The following PDE8A variants were observed in gnomAD, a reference collection of about 807,000 sequenced individuals.
PDE8A encodes the protein high affinity cAMP-specific and IBMX-insensitive 3',5'-cyclic phosphodiesterase 8A.
In PDE8A, 59 loss-of-function variants were observed where a neutral mutation model predicts 105.0. The observed-to-expected ratio is 0.56, with a 90% CI of 0.46 to 0.70. PDE8A has a LOEUF of 0.70. PDE8A is among the 30% of genes least tolerant of loss of function. PDE8A has a pLI of 0.00. For missense variants in PDE8A, 1,014 were observed against 1,045.9 expected (o/e 0.97, Z 0.42); for synonymous variants, 355 against 371.9 (o/e 0.95, Z 0.52).
chr15:85,089,845 T>G (rs2081613374), intron 7 of PDE8A, among the ~76,000 whole-genome samples: 1 of 152,202 alleles, frequency 6.6e-6, no homozygotes, highest in Non-Finnish European at 1.5e-5. Flanking sequence ...TAGAAACAAC[T>G]AAAAGTTTCA....
At chr15:84,999,691 C>G (rs545240399) in intron 1 of PDE8A, among the ~76,000 whole-genome samples, 2 of 152,340 alleles carry the variant, frequency 1.3e-5, no homozygotes, top group Admixed American at 6.5e-5. Context: ...TCTCCTTCCT[C>G]AGCCTCCTGA....
intron 1 of PDE8A, among the ~76,000 whole-genome samples, chr15:85,057,602 G>A (rs56077528): frequency 0.088 from 13,425 of 152,140 alleles, 1,645 homozygotes; most frequent in African/African-American, 0.28. Context: ...GAAATCACCC[G>A]TCTTCCATGT....
intron 1 of PDE8A, among the ~76,000 whole-genome samples, chr15:84,994,252 C>T (rs751969271): frequency 6.6e-6 from 1 of 152,216 alleles, no homozygotes; most frequent in Admixed American, 6.5e-5. Flanking sequence ...ATGGTTGCAG[C>T]ATACTTCCTT....
intron 1 of PDE8A, among the ~76,000 whole-genome samples, chr15:85,048,346 C>T (rs2080919404): frequency 6.6e-6 from 1 of 151,802 alleles, no homozygotes; most frequent in Non-Finnish European, 1.5e-5. Flanking sequence ...TTCTTTCTTT[C>T]CATTCAGACT....
At chr15:85,026,176 G>C (rs1329244943) in intron 1 of PDE8A, among the ~76,000 whole-genome samples, 1 of 152,176 alleles carries the variant, frequency 6.6e-6, no homozygotes, top group Non-Finnish European at 1.5e-5. Context: ...CCCAAACTTA[G>C]TGACATTAAA....
At chr15:85,134,419 C>T (rs999409818) in intron 20 of PDE8A, among the ~76,000 whole-genome samples, 10 of 152,222 alleles carry the variant, frequency 6.6e-5, no homozygotes, top group African/African-American at 2.4e-4. Flanking sequence ...CCTGCGCCCC[C>T]ACCCCTTCCT....
chr15:85,129,005 T>C (rs1310651696), intron 20 of PDE8A, among the ~76,000 whole-genome samples: 1 of 152,248 alleles, frequency 6.6e-6, no homozygotes, highest in Admixed American at 6.5e-5. Flanking sequence ...TGGTAAAATT[T>C]ACCATTTTAG....
intron 1 of PDE8A, among the ~76,000 whole-genome samples, chr15:85,048,801 T>TA (rs946684308): frequency 9.7e-4 from 147 of 152,310 alleles, no homozygotes; most frequent in African/African-American, 3.4e-3. Flanking sequence ...AAGTTGATTT[T>TA]AAAAAATAAC....
intron 1 of PDE8A, among the ~76,000 whole-genome samples, chr15:85,034,143 G>A (rs1169646026): frequency 1.5e-4 from 23 of 152,254 alleles, no homozygotes; most frequent in Non-Finnish European, 1.8e-4. Flanking sequence ...TGACTCCTCC[G>A]TATTATTAAC....
rs557637574 is a variant in PDE8A, at chr15:84,993,658, T to G, written c.186+11310T>G. Among the ~76,000 whole-genome samples the G allele has an allele frequency of 4.5e-3, 677 of 151,872 alleles. 2 individuals are homozygous for G. Among genetic ancestry groups the G allele is most frequent in the Non-Finnish European group, 7.6e-3 (516 of 67,952 alleles). ...CTTTTGGGAGGACAAGATGGGAGAA[T>G]CACGTGAGGCCAGGAGTTTGAGAAC... On this transcript the variant is annotated intron_variant, in intron 1 of 21. Transcript: ENST00000394553.
intron 3 of PDE8A, among the ~76,000 whole-genome samples, chr15:85,069,489 C>T (rs1414986017): frequency 6.6e-6 from 1 of 152,148 alleles, no homozygotes; most frequent in African/African-American, 2.4e-5. Flanking sequence ...GGAATTGTGT[C>T]CCCCCACCCC....
intron 1 of PDE8A, among the ~76,000 whole-genome samples, chr15:85,041,358 T>G (rs1263115161): frequency 6.6e-6 from 1 of 152,238 alleles, no homozygotes; most frequent in Non-Finnish European, 1.5e-5. Context: ...GTGTTTGCTT[T>G]GAACGCACCA....
intron 1 of PDE8A, among the ~76,000 whole-genome samples, chr15:85,027,092 T>C (rs1398129258): frequency 6.6e-6 from 1 of 152,220 alleles, no homozygotes; most frequent in Non-Finnish European, 1.5e-5. Context: ...GTCCTTTGCC[T>C]GTAAGAACAA....
chr15:85,037,397 AG>A (rs1344813040), intron 1 of PDE8A, among the ~76,000 whole-genome samples: 1 of 152,172 alleles, frequency 6.6e-6, no homozygotes, highest in Non-Finnish European at 1.5e-5. Context: ...GTAACCATCC[AG>A]ATTAAAAAAG....
At chr15:85,058,394 T>C (rs796363541) in intron 1 of PDE8A, among the ~76,000 whole-genome samples, 1 of 152,198 alleles carries the variant, frequency 6.6e-6, no homozygotes, top group African/African-American at 2.4e-5. Context: ...GCCCTAACTT[T>C]GGTATCAAGG....
chr15:85,130,197 C>G (rs1231131193), intron 20 of PDE8A, among the ~76,000 whole-genome samples: 1 of 152,122 alleles, frequency 6.6e-6, no homozygotes, highest in Non-Finnish European at 1.5e-5. Context: ...AGCAAGATCT[C>G]TCATTACCAT....
chr15:85,075,966 C>T (rs370000159), intron 4 of PDE8A, 48 bp downstream of exon 4: 2 of 1,058,826 alleles, frequency 1.9e-6, no homozygotes, highest in Non-Finnish European at 2.9e-6. Context: ...CAGTGTAATA[C>T]TTGCTCTTAA....
intron 1 of PDE8A, among the ~76,000 whole-genome samples, chr15:84,986,294 C>T (rs1238209003): frequency 1.3e-5 from 2 of 152,182 alleles, no homozygotes; most frequent in African/African-American, 4.8e-5. Flanking sequence ...AGTACAGCTG[C>T]AAGCCAACCT....
rs1198168538 is a variant in PDE8A at position 85,137,820 on chromosome 15, A to G, written c.2407A>G (p.Met803Val). ...WDAFVDLPDL[M>V]QHLDNNFKYW... ...AGCCTTTGTAGACCTGCCTGATTTA[A>G]TGCAGCATCTTGACAACAACTTTAA... Residue 803 changes from methionine (M) to valine (V), a missense_variant, in exon 22 of 22, where the codon ATG becomes GTG. Coordinates refer to ENST00000394553, the MANE Select transcript of PDE8A (RefSeq NM_002605.3). The G allele has an allele frequency of 3.0e-5, 48 of 1,612,654 alleles. No individual in the cohort carries two copies. Among genetic ancestry groups the G allele is most frequent in the Non-Finnish European group, 4.0e-5 (47 of 1,178,598 alleles).
Sources: allele counts gnomAD v4.1 joint callset (sites outside exome capture counted in the v4.1 genomes callset), GRCh38; gene constraint gnomAD v4.1.1; transcripts MANE v1.5; gene names NCBI Gene and HGNC (gene_info 2026-07-23, HGNC 2026-07-21).